DLG1: variants seen among roughly 807,000 people sequenced by gnomAD.
DLG1 encodes discs large MAGUK scaffold protein 1, also known as disks large homolog 1.
A neutral mutation model predicts 123.4 loss-of-function variants in DLG1; 42 were observed. That is an observed-to-expected ratio of 0.34 (90% confidence interval 0.27 to 0.44). The LOEUF (loss-of-function observed/expected upper bound fraction) is 0.44, where lower values mean the gene tolerates loss of function less well. DLG1 is among the 20% of genes least tolerant of loss of function. The pLI, the probability that DLG1 is intolerant of heterozygous loss-of-function variation, is 1.00. For synonymous variants in DLG1, 317 were observed against 356.2 expected, an observed-to-expected ratio of 0.89 and a Z score of 1.24; for missense variants, 942 against 1,082.6, an observed-to-expected ratio of 0.87 and a Z score of 1.82.
chr3:197,045,924 A>G (rs1217302533), intron 24 of DLG1, among the ~76,000 whole-genome samples: 1 of 152,182 alleles, frequency 6.6e-6, no homozygotes, highest in Non-Finnish European at 1.5e-5. Flanking sequence ...AATACTGTCT[A>G]TTTGGTACCT....
chr3:197,186,634 A>G lies in DLG1; in HGVS notation c.483+7791T>C, dbSNP rs539551982. Among the ~76,000 whole-genome samples the G allele has an allele frequency of 2.0e-5, 3 of 152,310 alleles. No homozygotes were observed. In the South Asian group the frequency reaches 6.2e-4, roughly 32 times the overall value. ...AATATTTACAATATTAAATGGTAAT[A>G]AAAAGTTAAAAATTTATACTGGATA... On this transcript the variant is annotated intron_variant, in intron 5 of 24. Coordinates refer to ENST00000667157, the MANE Select transcript of DLG1 (RefSeq NM_001366207.1).
chr3:197,124,007 A>C (rs1007671301), intron 11 of DLG1, among the ~76,000 whole-genome samples: 7 of 152,178 alleles, frequency 4.6e-5, no homozygotes, highest in Non-Finnish European at 1.0e-4. Flanking sequence ...TGCAATCCCA[A>C]CACTTTGGGG....
At chr3:197,183,635 T>C in intron 5 of DLG1, 1 of 1,550,526 alleles carries the variant, frequency 6.4e-7, no homozygotes, top group East Asian at 2.4e-5. Context: ...GAGTGAAAAA[T>C]GCAACTATCT....
At chr3:197,075,830 C>A in intron 18 of DLG1, 1 of 1,610,898 alleles carries the variant, frequency 6.2e-7, no homozygotes. Context: ...GTATTTTGAT[C>A]ACTTACTCAG....
chr3:197,296,508 C>G (rs779121998), intron 2 of DLG1, 31 bp from the exon 3 acceptor site: 39 of 1,606,234 alleles, frequency 2.4e-5, no homozygotes, highest in Middle Eastern at 3.3e-4. Flanking sequence ...CTGATTAAAA[C>G]TCTCTATTTA....
intron 4 of DLG1, among the ~76,000 whole-genome samples, chr3:197,229,454 T>TAACAAA (rs1741719360): frequency 2.5e-5 from 3 of 121,442 alleles, no homozygotes; most frequent in Non-Finnish European, 5.1e-5. Context: ...GCCTGTCTCT[T>TAACAAA]AAAAAAAAAA....
chr3:197,134,308 T>C (rs1392949245), intron 10 of DLG1, among the ~76,000 whole-genome samples: 2 of 152,106 alleles, frequency 1.3e-5, no homozygotes, highest in Non-Finnish European at 1.5e-5. Context: ...CTTTTATATA[T>C]TGCTGATGTA....
intron 4 of DLG1, among the ~76,000 whole-genome samples, chr3:197,195,644 A>C (rs969427962): frequency 6.6e-6 from 1 of 152,128 alleles, no homozygotes; most frequent in African/African-American, 2.4e-5. Context: ...ACAAAATACT[A>C]TTATGTTCCC....
At chr3:197,181,425 T>G (rs1415934867) in intron 5 of DLG1, among the ~76,000 whole-genome samples, 1 of 152,144 alleles carries the variant, frequency 6.6e-6, no homozygotes, top group Non-Finnish European at 1.5e-5. Context: ...AGGTATATAT[T>G]ATATGCTCTA....
At chr3:197,173,470 C>T (rs1031468126) in intron 5 of DLG1, among the ~76,000 whole-genome samples, 13 of 152,080 alleles carry the variant, frequency 8.5e-5, no homozygotes, top group African/African-American at 2.4e-4. Flanking sequence ...GTGGCACAGG[C>T]GATATGGCAG....
intron 4 of DLG1, among the ~76,000 whole-genome samples, chr3:197,265,912 T>C (rs548606299): frequency 4.9e-4 from 75 of 152,046 alleles, no homozygotes; most frequent in Non-Finnish European, 9.4e-4. Flanking sequence ...TAGCCAGGCG[T>C]GGTGGCACAT....
In DLG1 at chr3:197,115,957, T is replaced by C. The variant is rs1467949661; in HGVS notation, c.1413A>G (p.Gly471=). ...TAATACGATCTCCTTTTCTGAGCTCTCCACTTAGATCAGCAGGTCCTCCGG... is the reference window on the plus strand; with the variant it reads ...TAATACGATCTCCTTTTCTGAGCTCCCCACTTAGATCAGCAGGTCCTCCGG... ...ILAGGPADLS[G]ELRKGDRIIS... Residue 471 remains glycine (G), a synonymous_variant, in exon 13 of 25, where the codon GGA becomes GGG. Coordinates refer to ENST00000667157, the MANE Select transcript of DLG1 (RefSeq NM_001366207.1). The C allele has an allele frequency of 6.2e-7, 1 of 1,612,946 alleles. No homozygotes were observed. The highest frequency in any genetic ancestry group is 2.2e-5 in the East Asian group (1 of 44,740).
chr3:197,107,328 A>AG (rs1235371756), intron 13 of DLG1, among the ~76,000 whole-genome samples: 1 of 152,118 alleles, frequency 6.6e-6, no homozygotes, highest in Non-Finnish European at 1.5e-5. Context: ...GCAGATCACG[A>AG]GGTCAGGAGA....
At chr3:197,184,940 C>G (rs1714933389) in intron 5 of DLG1, among the ~76,000 whole-genome samples, 1 of 152,102 alleles carries the variant, frequency 6.6e-6, no homozygotes, top group African/African-American at 2.4e-5. Flanking sequence ...TATCCTCTCC[C>G]CATCAAAATG....
chr3:197,171,618 T>C (rs989131881), intron 5 of DLG1, among the ~76,000 whole-genome samples: 2 of 152,146 alleles, frequency 1.3e-5, no homozygotes, highest in African/African-American at 4.8e-5. Flanking sequence ...TTCATGAATC[T>C]ATCTCTACCT....
chr3:197,297,945 G>T, intron 1 of DLG1: 1 of 982,004 alleles, frequency 1.0e-6, no homozygotes, highest in Non-Finnish European at 1.2e-6. Flanking sequence ...GACGGGGGAG[G>T]AGCTCCCCTG....
chr3:197,295,132 G>A (rs527818841), intron 3 of DLG1, among the ~76,000 whole-genome samples: 1 of 152,182 alleles, frequency 6.6e-6, no homozygotes, highest in Non-Finnish European at 1.5e-5. Context: ...ATGGCAAAAT[G>A]TGAATTTCTG....
At position 197,159,209 on chromosome 3, in the gene DLG1, A is replaced by T. The variant is rs140849719; in HGVS notation, c.484-9413T>A. ...TAAGCAGCCATTAAATATTACCTTT[A>T]TCTGTGCCACTCTGTATAATAAGCA... On this transcript the variant is annotated intron_variant, in intron 5 of 24. Transcript: ENST00000667157. 1.3e-5 allele frequency among the ~76,000 whole-genome samples: 2 copies of T among 152,220 alleles called. 1 individual carries two copies. The highest frequency in any genetic ancestry group is 4.1e-4 in the South Asian group (2 of 4,836).
rs1271622068 is a variant in DLG1 at position 197,066,703 on chromosome 3, CCTT to C, written c.2096_2098del (p.Glu699del). On this transcript the variant is annotated inframe_deletion and splice_region_variant, in exon 20 of 25. Coordinates refer to ENST00000667157, the MANE Select transcript of DLG1 (RefSeq NM_001366207.1). ...ATAAAACATCAATAGGCTTCACAAA[CCTT>C]CTTGTTGATTCACTGGTTCATAAGA... The C allele has an allele frequency of 1.9e-6, 3 of 1,600,528 alleles. No individual in the cohort carries two copies. The highest frequency in any genetic ancestry group is 1.7e-5 in the Admixed American group (1 of 59,728).
Sources: gnomAD v4.1 joint callset for allele counts (sites outside exome capture counted in the v4.1 genomes callset) on GRCh38, gnomAD v4.1.1 for gene constraint, MANE v1.5 for transcripts, NCBI Gene and HGNC (gene_info 2026-07-23, HGNC 2026-07-21) for gene names.